Variants in PRKCA observed in about 807,000 individuals in gnomAD.
PRKCA encodes protein kinase C alpha.
PRKCA carries 27 observed loss-of-function variants against 87.0 expected under a neutral mutation model. The observed-to-expected ratio is 0.31, with a 90% CI of 0.23 to 0.43. PRKCA has a LOEUF of 0.43. Among genes scored for constraint, PRKCA ranks in the 20% least tolerant of loss-of-function variants. The probability of loss-of-function intolerance (pLI) is 1.00; values close to 1 mark genes in which losing one functional copy is unlikely to be tolerated. For missense variants in PRKCA, 518 were observed against 852.3 expected (o/e 0.61, Z 4.88); for synonymous variants, 329 against 311.1 (o/e 1.06, Z -0.61).
chr17:66,809,079 T>C lies in PRKCA; in HGVS notation c.*5042T>C, dbSNP rs1174953615. On this transcript the variant is annotated 3_prime_UTR_variant, in exon 17 of 17. Coordinates refer to ENST00000413366, the MANE Select transcript of PRKCA (RefSeq NM_002737.3). ...TGTGAAATACACTGGACGGTCAACA[T>C]TCCTGTCTCCTCCCATTTGGGCTGA... The C allele has an allele frequency of 2.0e-5, 3 of 152,236 alleles. No homozygotes were observed. In the East Asian group the frequency reaches 5.8e-4, roughly 29 times the overall value. 9.4% of individuals were successfully genotyped at this position (152,236 alleles called of 1,614,324 possible). A position where few individuals can be genotyped will look rare whatever the true frequency, so the allele number is the denominator to read the frequency against.
chr17:66,486,432 G>A (rs1427145567), intron 2 of PRKCA, among the ~76,000 whole-genome samples: 3 of 152,166 alleles, frequency 2.0e-5, no homozygotes, highest in South Asian at 4.1e-4. Flanking sequence ...CATCATGGGC[G>A]AGTAATGACC....
intron 2 of PRKCA, among the ~76,000 whole-genome samples, chr17:66,357,346 C>T (rs940358996): frequency 2.0e-5 from 3 of 152,066 alleles, no homozygotes; most frequent in African/African-American, 7.2e-5. Flanking sequence ...TTTTTAATGG[C>T]AATGAGCTGT....
intron 3 of PRKCA, among the ~76,000 whole-genome samples, chr17:66,527,561 G>A (rs770946929): frequency 6.6e-6 from 1 of 152,008 alleles, no homozygotes; most frequent in African/African-American, 2.4e-5. Flanking sequence ...GCACTGATCC[G>A]CTCTGCCTGC....
At chr17:66,361,838 C>T (rs1399870859) in intron 2 of PRKCA, among the ~76,000 whole-genome samples, 1 of 152,116 alleles carries the variant, frequency 6.6e-6, no homozygotes, top group Non-Finnish European at 1.5e-5. Flanking sequence ...ATGTTCTCTG[C>T]GTCAGGCACC....
chr17:66,437,051 G>A (rs947113879), intron 2 of PRKCA, among the ~76,000 whole-genome samples: 3 of 152,162 alleles, frequency 2.0e-5, no homozygotes, highest in Admixed American at 2.0e-4. Flanking sequence ...CTTAGAAGAG[G>A]CAGCAGAGCA....
In PRKCA at chr17:66,804,223, A is replaced by G. The variant is rs962099648; in HGVS notation, c.*186A>G. 44 of 750,246 alleles carry G rather than the reference A, an allele frequency of 5.9e-5. No individual in the cohort carries two copies. The highest frequency in any genetic ancestry group is 8.4e-5 in the Non-Finnish European group (42 of 499,060). The allele number at this position is 750,246 out of a possible 1,614,324, so 46.5% of individuals were successfully genotyped here. A position where few individuals can be genotyped will look rare whatever the true frequency, so the allele number is the denominator to read the frequency against. ...GGGTCTCTCTCTTACAACCAAGAAC[A>G]TTATCTTAGTGGAAGATGGTACGTC... On this transcript the variant is annotated 3_prime_UTR_variant, in exon 17 of 17. Transcript: ENST00000413366.
intron 3 of PRKCA, among the ~76,000 whole-genome samples, chr17:66,618,119 C>G (rs1252955480): frequency 6.6e-6 from 1 of 152,086 alleles, no homozygotes; most frequent in African/African-American, 2.4e-5. Flanking sequence ...CTTTCGGAGG[C>G]CGAGGTGGGT....
At chr17:66,798,419 G>GTGA (rs1975731557) in intron 16 of PRKCA, among the ~76,000 whole-genome samples, 2 of 81,528 alleles carry the variant, frequency 2.5e-5, no homozygotes, top group Non-Finnish European at 5.0e-5. Flanking sequence ...GGTGATGGTG[G>GTGA]TGGTGGTGGT....
intron 8 of PRKCA, 122 bp from the exon 9 acceptor site, chr17:66,732,566 T>C: frequency 8.3e-7 from 1 of 1,210,916 alleles, no homozygotes; most frequent in Non-Finnish European, 1.2e-6. Flanking sequence ...TCACCCTTTG[T>C]TCCTTTTCTC....
chr17:66,396,337 A>G (rs1377108586), intron 2 of PRKCA, among the ~76,000 whole-genome samples: 1 of 152,174 alleles, frequency 6.6e-6, no homozygotes, highest in Non-Finnish European at 1.5e-5. Context: ...GCTAGCAAAC[A>G]CTAGGCAAAA....
intron 3 of PRKCA, among the ~76,000 whole-genome samples, chr17:66,533,706 A>C (rs6504442): frequency 0.52 from 61,133 of 118,590 alleles, 12,343 homozygotes; most frequent in South Asian, 0.6. Flanking sequence ...TGCCGCCCCC[A>C]CTGGCCAGGC....
Position 66,737,485 on chromosome 17 carries a change from T to C in PRKCA, c.1231-1279T>C, listed in dbSNP as rs1367518811. ...ATGACTCCATAATCAGTAGCTGTAA[T>C]TGATGCGATTATTACTATTTTCAAC... On this transcript the variant is annotated intron_variant, in intron 10 of 16. Transcript: ENST00000413366. 2.0e-5 allele frequency among the ~76,000 whole-genome samples: 3 copies of C among 152,244 alleles called. No homozygotes were observed. In the East Asian group the frequency reaches 5.8e-4, roughly 29 times the overall value.
intron 2 of PRKCA, among the ~76,000 whole-genome samples, chr17:66,437,510 T>A (rs896028114): frequency 6.6e-6 from 1 of 152,156 alleles, no homozygotes; most frequent in South Asian, 2.1e-4. Context: ...CCAGGAAACA[T>A]AACTTTTGGA....
rs71160568 is a variant in PRKCA at position 66,406,585 on chromosome 17, GTTT to G, written c.206-89594_206-89592del. Among the ~76,000 whole-genome samples, 432 of 70,202 alleles carry G rather than the reference GTTT, an allele frequency of 6.2e-3. 17 individuals are homozygous for G. Among genetic ancestry groups the G allele is most frequent in the Middle Eastern group, 0.022 (1 of 46 alleles). The allele number at this position is 70,202 out of a possible 152,430, so 46.1% of individuals were successfully genotyped here. On this transcript the variant is annotated intron_variant, in intron 2 of 16. Coordinates refer to ENST00000413366, the MANE Select transcript of PRKCA (RefSeq NM_002737.3). ...TCATGTAGCATTGTAGCTTTTCCAG[GTTT>G]TTTTTTTTTTTTTTTTTTTTTAAAT...
At chr17:66,553,289 A>G (rs988197116) in intron 3 of PRKCA, among the ~76,000 whole-genome samples, 3 of 152,146 alleles carry the variant, frequency 2.0e-5, no homozygotes, top group Non-Finnish European at 4.4e-5. Flanking sequence ...GGCCTGATGA[A>G]TGATTTTTAA....
chr17:66,727,706 G>A (rs1007683110), intron 8 of PRKCA, among the ~76,000 whole-genome samples: 1 of 152,112 alleles, frequency 6.6e-6, no homozygotes, highest in Non-Finnish European at 1.5e-5. Context: ...AATAGCAGTT[G>A]AGCTGGGACC....
At chr17:66,621,394 A>G (rs1970676929) in intron 3 of PRKCA, among the ~76,000 whole-genome samples, 1 of 152,134 alleles carries the variant, frequency 6.6e-6, no homozygotes, top group African/African-American at 2.4e-5. Context: ...GGATCTAGAA[A>G]CCCTATTTCC....
At chr17:66,778,211 ATC>A in intron 14 of PRKCA, 1 of 985,100 alleles carries the variant, frequency 1.0e-6, no homozygotes, top group Non-Finnish European at 1.2e-6. Flanking sequence ...GGTCTCCATC[ATC>A]TCTATTAAAA....
At chr17:66,306,049 C>T (rs2143105718) in intron 1 of PRKCA, 47 bp from the exon 2 acceptor site, 1 of 1,584,072 alleles carries the variant, frequency 6.3e-7, no homozygotes. Flanking sequence ...ATATGCTATC[C>T]AACAGAAAAT....
Sources: allele counts gnomAD v4.1 joint callset (sites outside exome capture counted in the v4.1 genomes callset), GRCh38; gene constraint gnomAD v4.1.1; transcripts MANE v1.5; gene names NCBI Gene and HGNC (gene_info 2026-07-23, HGNC 2026-07-21).